TNNI3K: variants seen among roughly 807,000 people sequenced by gnomAD.
TNNI3K encodes the protein TNNI3 interacting kinase, also known as serine/threonine-protein kinase TNNI3K.
In TNNI3K, 140 loss-of-function variants were observed where a neutral mutation model predicts 114.5. The ratio of observed to expected loss-of-function variants is 1.22; its 90% confidence interval spans 1.07 to 1.41. The LOEUF (loss-of-function observed/expected upper bound fraction) is 1.41, where lower values mean the gene tolerates loss of function less well. TNNI3K is among the 40% of genes most tolerant of loss of function. TNNI3K has a pLI of 0.00. For synonymous variants in TNNI3K, 347 were observed against 347.5 expected, an observed-to-expected ratio of 1.00 and a Z score of 0.02; for missense variants, 1,125 against 1,007.6, an observed-to-expected ratio of 1.12 and a Z score of -1.58.
intron 5 of TNNI3K, among the ~76,000 whole-genome samples, chr1:74,328,386 A>G (rs768264864): frequency 6.6e-5 from 10 of 151,564 alleles, no homozygotes; most frequent in East Asian, 1.9e-4. Flanking sequence ...AAATGTTGGT[A>G]TGAGTGTACT....
At chr1:74,334,993 G>T (rs1660393690) in intron 6 of TNNI3K, among the ~76,000 whole-genome samples, 1 of 152,082 alleles carries the variant, frequency 6.6e-6, no homozygotes, top group South Asian at 2.1e-4. Context: ...TTTAAAAAAC[G>T]TTTTCAAAGC....
At position 74,249,546 on chromosome 1, in the gene TNNI3K, T is replaced by C. The variant is rs796657162; in HGVS notation, c.235+2T>C. 3 of 1,613,272 alleles carry C rather than the reference T, an allele frequency of 1.9e-6. No homozygotes were observed. In the African/African-American group the frequency reaches 4.0e-5, roughly 22 times the overall value. On this transcript the variant is annotated splice_donor_variant, in intron 3 of 24. Coordinates refer to ENST00000326637, the MANE Select transcript of TNNI3K (RefSeq NM_015978.3). LOFTEE classifies it high-confidence loss of function. ...TTCATTTATGTTGCATTTGTGGAGG[T>C]GAGTACTTGAAACTTAGTACTTCTT...
At chr1:74,486,873 G>T (rs926724561) in intron 21 of TNNI3K, among the ~76,000 whole-genome samples, 21 of 152,124 alleles carry the variant, frequency 1.4e-4, no homozygotes, top group African/African-American at 4.8e-4. Flanking sequence ...CAAAGGAATT[G>T]TTGCTTATAT....
intron 23 of TNNI3K, among the ~76,000 whole-genome samples, chr1:74,497,747 T>C (rs1203059203): frequency 6.6e-6 from 1 of 152,162 alleles, no homozygotes; most frequent in Non-Finnish European, 1.5e-5. Flanking sequence ...CCTACTACCA[T>C]CATAATTTTT....
chr1:74,270,829 A>G (rs1277882323), intron 4 of TNNI3K, among the ~76,000 whole-genome samples: 1 of 151,800 alleles, frequency 6.6e-6, no homozygotes, highest in Non-Finnish European at 1.5e-5. Flanking sequence ...AATACAAAAC[A>G]AAATTACATA....
chr1:74,537,341 A>G (rs1164316761), intron 23 of TNNI3K, among the ~76,000 whole-genome samples: 1 of 152,136 alleles, frequency 6.6e-6, no homozygotes, highest in Non-Finnish European at 1.5e-5. Flanking sequence ...TGCCATATTT[A>G]TTGTTGATTG....
chr1:74,253,650 A>AGCCCAC (rs751341191), intron 4 of TNNI3K, among the ~76,000 whole-genome samples: 63 of 152,010 alleles, frequency 4.1e-4, no homozygotes, highest in Non-Finnish European at 8.7e-4. Context: ...GGGCCCGCCA[A>AGCCCAC]GCCCACGCCC....
At chr1:74,313,913 T>C (rs1262684947) in intron 5 of TNNI3K, among the ~76,000 whole-genome samples, 1 of 151,854 alleles carries the variant, frequency 6.6e-6, no homozygotes, top group East Asian at 1.9e-4. Context: ...TTGTACCAAA[T>C]CATACAGCTG....
rs1455966331 is a variant in TNNI3K at position 74,517,694 on chromosome 1, G to T, written c.2352-22540G>T. Among the ~76,000 whole-genome samples, 3 of 152,188 alleles carry T rather than the reference G, an allele frequency of 2.0e-5. No homozygotes were observed. In the East Asian group the frequency reaches 5.8e-4, roughly 29 times the overall value. ...AGCTGAGGCTTAGAAAGTGTCTTGT[G>T]TAAAGAGTACGACTGGTAAACCGAA... is the stretch of plus-strand genomic sequence containing the variant. On this transcript the variant is annotated intron_variant, in intron 23 of 24. Coordinates refer to ENST00000326637, the MANE Select transcript of TNNI3K (RefSeq NM_015978.3).
chr1:74,257,270 G>A (rs1447420426), intron 4 of TNNI3K, among the ~76,000 whole-genome samples: 1 of 152,018 alleles, frequency 6.6e-6, no homozygotes, highest in Non-Finnish European at 1.5e-5. Context: ...CTGCTATGAT[G>A]ACACATCTGT....
intron 23 of TNNI3K, among the ~76,000 whole-genome samples, chr1:74,527,118 T>C (rs1352532571): frequency 6.6e-6 from 1 of 152,160 alleles, no homozygotes; most frequent in East Asian, 1.9e-4. Context: ...ATCCATCTCC[T>C]AGTGGAAAAA....
At chr1:74,443,015 C>A (rs538693111) in intron 20 of TNNI3K, among the ~76,000 whole-genome samples, 1 of 151,960 alleles carries the variant, frequency 6.6e-6, no homozygotes, top group East Asian at 1.9e-4. Context: ...GCTAAAGCAG[C>A]GTTGAGATAA....
intron 7 of TNNI3K, among the ~76,000 whole-genome samples, chr1:74,338,791 C>T (rs1660610110): frequency 6.6e-6 from 1 of 152,088 alleles, no homozygotes; most frequent in Non-Finnish European, 1.5e-5. Context: ...ATGTAAGAAA[C>T]ATAGCTTGCA....
Position 74,391,502 on chromosome 1 carries a change from C to T in TNNI3K, c.1772+21110C>T, listed in dbSNP as rs538127178. Reference sequence around the variant, plus strand: ...GCAGACACAGGTGAGATTTTTGAGACGTTAGTTGGGAAGTAGCTTTTGGGA... The same window carrying T: ...GCAGACACAGGTGAGATTTTTGAGATGTTAGTTGGGAAGTAGCTTTTGGGA... On this transcript the variant is annotated intron_variant, in intron 17 of 24. Transcript: ENST00000326637. Among the ~76,000 whole-genome samples the T allele has an allele frequency of 3.9e-5, 6 of 152,008 alleles. No individual in the cohort carries two copies. In the East Asian group the frequency reaches 5.8e-4, roughly 15 times the overall value.
intron 2 of TNNI3K, among the ~76,000 whole-genome samples, chr1:74,238,192 G>A (rs1382932646): frequency 6.6e-6 from 1 of 152,008 alleles, no homozygotes; most frequent in Non-Finnish European, 1.5e-5. Context: ...TATCTGACTT[G>A]AGTAAGAAAG....
intron 21 of TNNI3K, chr1:74,480,699 G>A (rs1668448894): frequency 1.4e-6 from 1 of 717,386 alleles, no homozygotes; most frequent in African/African-American, 1.7e-5. Context: ...CGTAGGGTGC[G>A]GAGAGCATTA....
chr1:74,487,869 G>A (rs989683601), intron 21 of TNNI3K, among the ~76,000 whole-genome samples: 2 of 152,088 alleles, frequency 1.3e-5, no homozygotes, highest in African/African-American at 2.4e-5. Flanking sequence ...AGGAAGTGAG[G>A]TAGAGAGAAA....
intron 5 of TNNI3K, among the ~76,000 whole-genome samples, chr1:74,323,053 C>T (rs909658586): frequency 2.0e-5 from 3 of 152,146 alleles, no homozygotes; most frequent in Non-Finnish European, 4.4e-5. Context: ...TAAGACTCTG[C>T]AAGACCCTTA....
intron 17 of TNNI3K, among the ~76,000 whole-genome samples, chr1:74,399,971 G>T (rs538467825): frequency 3.3e-5 from 5 of 152,140 alleles, no homozygotes; most frequent in Admixed American, 2.0e-4. Context: ...GAAACAGGTC[G>T]CTATTGGGGA....
Sources: allele counts gnomAD v4.1 joint callset (sites outside exome capture counted in the v4.1 genomes callset), GRCh38; gene constraint gnomAD v4.1.1; transcripts MANE v1.5; gene names NCBI Gene and HGNC (gene_info 2026-07-23, HGNC 2026-07-21).